Variants in SLC35D4 observed in about 807,000 individuals in gnomAD.
The protein encoded by SLC35D4 is solute carrier family 35 member D4, also known as UDP-N-acetylglucosamine transporter SLC35D4.
the SLC35D4 span, among the ~76,000 whole-genome samples, chr18:23,357,318 T>C: frequency 6.6e-6 from 1 of 152,210 alleles, no homozygotes; most frequent in East Asian, 1.9e-4. Context: ...AGTAAGTTCA[T>C]TCTTTTAGTT....
At chr18:23,325,696 C>T in the SLC35D4 span, among the ~76,000 whole-genome samples, 2 of 152,118 alleles carry the variant, frequency 1.3e-5, no homozygotes, top group Admixed American at 6.5e-5. Context: ...TGTAAAGACC[C>T]AGAGTAAAGA....
the SLC35D4 span, among the ~76,000 whole-genome samples, chr18:23,252,462 C>T: frequency 6.6e-6 from 1 of 152,216 alleles, no homozygotes. Context: ...CTGTACAGGG[C>T]ACTTCTCATA....
the SLC35D4 span, chr18:23,356,750 G>A: frequency 9.4e-5 from 112 of 1,192,018 alleles, 1 homozygote; most frequent in African/African-American, 6.6e-4. The surrounding 1 kb of genome is among the most constrained non-coding windows in gnomAD (Gnocchi z 4.1). Flanking sequence ...CAAGGAAGGC[G>A]TCTTTAGCAG....
the SLC35D4 span, among the ~76,000 whole-genome samples, chr18:23,333,545 C>T: frequency 6.6e-6 from 1 of 152,082 alleles, no homozygotes; most frequent in African/African-American, 2.4e-5. Flanking sequence ...AATGGCACAG[C>T]CAAATGGCAG....
At chr18:23,293,222 T>C in the SLC35D4 span, among the ~76,000 whole-genome samples, 27 of 152,018 alleles carry the variant, frequency 1.8e-4, no homozygotes, top group African/African-American at 6.3e-4. Flanking sequence ...CCAGCCTGGG[T>C]GACAAGAGCG....
chr18:23,266,419 A>C, the SLC35D4 span, among the ~76,000 whole-genome samples: 3 of 152,280 alleles, frequency 2.0e-5, no homozygotes, highest in South Asian at 4.1e-4. Flanking sequence ...AAAAAAAAAA[A>C]AAAACAAATC....
At chr18:23,437,776 C>T in the SLC35D4 span, 17 of 1,610,556 alleles carry the variant, frequency 1.1e-5, no homozygotes, top group Non-Finnish European at 1.4e-5. Context: ...CGCCCGCCCC[C>T]TCACCTTGTT....
chr18:23,279,637 A>G, the SLC35D4 span, among the ~76,000 whole-genome samples: 8 of 152,260 alleles, frequency 5.3e-5, no homozygotes, highest in Non-Finnish European at 5.9e-5. Flanking sequence ...AGACACAGGG[A>G]GGAAACAGAC....
chr18:23,374,736 C>T, the SLC35D4 span, among the ~76,000 whole-genome samples: 4 of 152,190 alleles, frequency 2.6e-5, no homozygotes, highest in Admixed American at 2.6e-4. Context: ...CCGCCTGCCT[C>T]GGCCTCCCAA....
At chr18:23,286,950 G>A in the SLC35D4 span, among the ~76,000 whole-genome samples, 5 of 151,574 alleles carry the variant, frequency 3.3e-5, no homozygotes, top group Admixed American at 2.0e-4. Context: ...TAACCCACAA[G>A]TATAAGATAC....
At chr18:23,330,853 C>A in the SLC35D4 span, among the ~76,000 whole-genome samples, 1 of 152,116 alleles carries the variant, frequency 6.6e-6, no homozygotes, top group Non-Finnish European at 1.5e-5. Flanking sequence ...ACACAAGCAC[C>A]CCTTCCCTGG....
chr18:23,286,889 T>C, the SLC35D4 span, among the ~76,000 whole-genome samples: 1 of 152,000 alleles, frequency 6.6e-6, no homozygotes, highest in Admixed American at 6.6e-5. Flanking sequence ...TTGCCGCCCT[T>C]CTTCCCAATC....
the SLC35D4 span, among the ~76,000 whole-genome samples, chr18:23,424,435 A>C: frequency 5.9e-5 from 9 of 152,186 alleles, no homozygotes; most frequent in Non-Finnish European, 1.3e-4. Context: ...GGAATACTCC[A>C]GTGACAAAAT....
the SLC35D4 span, chr18:23,298,098 ACTCCCCCGGGACCC>A: frequency 6.2e-7 from 1 of 1,612,816 alleles, no homozygotes; most frequent in Non-Finnish European, 8.5e-7. Flanking sequence ...TCAGCTCTCC[ACTCCCCCGGGACCC>A]CTGAGCTGCC....
At chr18:23,414,400 C>T in the SLC35D4 span, among the ~76,000 whole-genome samples, 420 of 150,890 alleles carry the variant, frequency 2.8e-3, 3 homozygotes, top group African/African-American at 9.5e-3. Flanking sequence ...GGGCAGGGCA[C>T]GGTGGCTCAT....
At chr18:23,287,747 C>CTT in the SLC35D4 span, among the ~76,000 whole-genome samples, 61 of 152,352 alleles carry the variant, frequency 4.0e-4, no homozygotes, top group South Asian at 0.012. Context: ...TGCCCCCACC[C>CTT]TAGCTCTCCC....
the SLC35D4 span, among the ~76,000 whole-genome samples, chr18:23,325,840 C>T: frequency 6.6e-6 from 1 of 152,322 alleles, no homozygotes; most frequent in East Asian, 1.9e-4. Context: ...CCCCCCACCC[C>T]GTGTGGGTAC....
chr18:23,373,749 A>C, the SLC35D4 span: 4 of 1,612,274 alleles, frequency 2.5e-6, no homozygotes, highest in South Asian at 4.4e-5. Context: ...TGCTGCGGCC[A>C]GGAGGAGGAG....
the SLC35D4 span, among the ~76,000 whole-genome samples, chr18:23,285,896 C>T: frequency 6.6e-6 from 1 of 152,128 alleles, no homozygotes; most frequent in East Asian, 1.9e-4. Flanking sequence ...GTTAATGCTC[C>T]TTTTTCTTTA....
Sources: allele counts gnomAD v4.1 joint callset (sites outside exome capture counted in the v4.1 genomes callset), GRCh38; gene constraint gnomAD v4.1.1; non-coding constraint Gnocchi (gnomAD v3.1); transcripts MANE v1.5; gene names NCBI Gene and HGNC (gene_info 2026-07-23, HGNC 2026-07-21).